Variants in SH3TC1 observed in about 807,000 individuals in gnomAD.
SH3TC1 encodes SH3 domain and tetratricopeptide repeats 1.
In SH3TC1, 135 loss-of-function variants were observed where a neutral mutation model predicts 117.3. That is an observed-to-expected ratio of 1.15 (90% CI 1.00 to 1.33). The LOEUF (loss-of-function observed/expected upper bound fraction) is 1.33. Ranked by LOEUF, SH3TC1 falls within the 40% of genes most tolerant of loss-of-function variation. The probability of loss-of-function intolerance (pLI) is 0.00; values close to 1 mark genes in which losing one functional copy is unlikely to be tolerated. For missense variants in SH3TC1, 2,092 were observed against 1,794.3 expected, an observed-to-expected ratio of 1.17 and a Z score of -3.00; for synonymous variants, 898 against 816.9, an observed-to-expected ratio of 1.10 and a Z score of -1.69.
Position 8,212,833 on chromosome 4 carries a change from G to A in SH3TC1, c.375+5G>A. ...GAGATGGCCCGCGTGCTTGGGGTGA[G>A]TAGCCCTCTGGGGCCTGCTCAGGGA... On this transcript the variant is annotated splice_donor_5th_base_variant and intron_variant, in intron 4 of 17. Transcript: ENST00000245105. 3 of 1,564,834 alleles carry A rather than the reference G, an allele frequency of 1.9e-6. No individual in the cohort carries two copies. Among genetic ancestry groups the A allele is most frequent in the Non-Finnish European group, 2.6e-6 (3 of 1,154,618 alleles).
chr4:8,240,532 C>A (rs1297743679), intron 17 of SH3TC1, among the ~76,000 whole-genome samples, 166 bp from the exon 18 acceptor site: 1 of 152,148 alleles, frequency 6.6e-6, no homozygotes, highest in Non-Finnish European at 1.5e-5. Flanking sequence ...GGTGCCAGGG[C>A]CGTCTCCACC....
chr4:8,227,806 G>C lies in SH3TC1; in HGVS notation c.2112G>C (p.Ala704=). The change falls in exon 12 of 18, where the codon GCG becomes GCC. Residue 704 remains alanine, a synonymous_variant. Transcript: ENST00000245105. ...GGGACTCGGGAGCCCCAGAGGCCGC[G>C]TGGCTCTCAGACTGCTACCTACTCC... ...LHRDSGAPEA[A]WLSDCYLLLA... 1 of 1,612,768 alleles carries C rather than the reference G, an allele frequency of 6.2e-7. No homozygotes were observed. Among genetic ancestry groups the C allele is most frequent in the Non-Finnish European group, 8.5e-7 (1 of 1,179,972 alleles).
intron 13 of SH3TC1, 101 bp downstream of exon 13, chr4:8,232,257 TC>T: frequency 7.2e-7 from 1 of 1,385,546 alleles, no homozygotes; most frequent in Non-Finnish European, 9.6e-7. Flanking sequence ...GCAGCCCCTC[TC>T]CTTGGGATCA....
upstream of SH3TC1, among the ~76,000 whole-genome samples, chr4:8,196,628 A>T (rs1429665756): frequency 6.6e-6 from 1 of 152,128 alleles, no homozygotes; most frequent in Non-Finnish European, 1.5e-5. This position sits in a 1 kb window ranked among gnomAD's most constrained non-coding sequence, Gnocchi z 4.6. Flanking sequence ...TGGAAGCATT[A>T]CCCAGTCCCC....
At chr4:8,229,439 T>C (rs1451079888) in intron 12 of SH3TC1, among the ~76,000 whole-genome samples, 1 of 64,736 alleles carries the variant, frequency 1.5e-5, no homozygotes, top group Non-Finnish European at 2.9e-5. Context: ...GTGATGGGGG[T>C]GAGTGAGCAG....
chr4:8,234,938 T>C (rs981634108), intron 14 of SH3TC1, among the ~76,000 whole-genome samples: 3 of 152,350 alleles, frequency 2.0e-5, no homozygotes, highest in Non-Finnish European at 2.9e-5. Flanking sequence ...TGGAACAAAC[T>C]GGGAAGCCCA....
rs1720321491 is a variant in SH3TC1 at position 8,224,960 on chromosome 4, T to C, written c.1244-215T>C. ...CTCCCTCAGGTGTCAGCAGTGCTCC[T>C]ATGCTGGTTGCACCTGACCCTGCAA... On this transcript the variant is annotated intron_variant, in intron 10 of 17. Coordinates refer to ENST00000245105, the MANE Select transcript of SH3TC1 (RefSeq NM_018986.5). The C allele has an allele frequency of 8.6e-6, 5 of 582,158 alleles. No homozygotes were observed. The South Asian group carries it at 1.1e-4, about 13-fold the overall frequency. 36.1% of individuals were successfully genotyped at this position (582,158 alleles called of 1,614,324 possible).
chr4:8,240,858 G>C lies in SH3TC1; in HGVS notation c.3914G>C (p.Arg1305Thr). 6.2e-7 allele frequency: 1 copy of C among 1,613,872 alleles called. No homozygotes were observed. Among genetic ancestry groups the C allele is most frequent in the Non-Finnish European group, 8.5e-7 (1 of 1,180,046 alleles). ...EKSLFFYQKA[R>T]TFATELNVRR... The stretch of plus-strand genomic sequence containing the variant: ...TCGCTCTTCTTCTACCAGAAGGCCA[G>C]GACCTTCGCCACAGAGCTCAACGTC... Residue 1305 changes from arginine to threonine, a missense_variant, in exon 18 of 18, where the codon AGG (arginine) becomes ACG (threonine). Transcript: ENST00000245105.
Position 8,206,025 on chromosome 4 carries a change from T to G in SH3TC1, c.172+659T>G. On this transcript the variant is annotated intron_variant, in intron 2 of 17. Coordinates refer to ENST00000245105, the MANE Select transcript of SH3TC1 (RefSeq NM_018986.5). The surrounding 1 kb of genome is among the most constrained non-coding windows in gnomAD (Gnocchi z 5.5). ...GTCCAGCCTCAGCCCAGTCTCCTCT[T>G]AGCTGCCTATGTCCCTGTCTTGGGA... The G allele has an allele frequency of 6.8e-6, 2 of 292,048 alleles. No individual in the cohort carries two copies. The highest frequency in any genetic ancestry group is 1.3e-5 in the Non-Finnish European group (2 of 155,320). 18.1% of individuals were successfully genotyped at this position (292,048 alleles called of 1,614,324 possible). A position where few individuals can be genotyped will look rare whatever the true frequency, so the allele number is the denominator to read the frequency against.
In SH3TC1 at chr4:8,205,505, T is replaced by G. The variant is rs1482706548; in HGVS notation, c.172+139T>G. On this transcript the variant is annotated intron_variant, in intron 2 of 17. Coordinates refer to ENST00000245105, the MANE Select transcript of SH3TC1 (RefSeq NM_018986.5). The surrounding 1 kb of genome is among the most constrained non-coding windows in gnomAD (Gnocchi z 5.4). ...GGGCTGGAGTCTGCTCTCCATCACT[T>G]CTCGTTTCCTTCCCCCGCGTGTGTT... 8.6e-7 allele frequency: 1 copy of G among 1,165,188 alleles called. No homozygotes were observed. The highest frequency in any genetic ancestry group is 1.3e-6 in the Non-Finnish European group (1 of 779,130). The allele number at this position is 1,165,188 out of a possible 1,614,324, so 72.2% of individuals were successfully genotyped here.
Position 8,228,174 on chromosome 4 carries a change from A to C in SH3TC1, c.2480A>C (p.His827Pro). ...AIAGVRAIVDHLVALAWLHVL... is the reference protein window; with the variant it reads ...AIAGVRAIVDPLVALAWLHVL... ...GCCGGAGTCCGTGCCATCGTGGACCACCTGGTGGCCCTGGCCTGGCTGCAC... is the reference window on the plus strand; with the variant it reads ...GCCGGAGTCCGTGCCATCGTGGACCCCCTGGTGGCCCTGGCCTGGCTGCAC... The change falls in exon 12 of 18, where the codon CAC becomes CCC. Residue 827 changes from histidine to proline, a missense_variant. Coordinates refer to ENST00000245105, the MANE Select transcript of SH3TC1 (RefSeq NM_018986.5). 6.2e-7 allele frequency: 1 copy of C among 1,611,354 alleles called. No homozygotes were observed. The highest frequency in any genetic ancestry group is 1.7e-4 in the Middle Eastern group (1 of 6,056).
rs1720758384 is a variant in SH3TC1, at chr4:8,228,333, G to T, written c.2639G>T (p.Arg880Met). The T allele has an allele frequency of 6.2e-7, 1 of 1,612,008 alleles. No homozygotes were observed. ...AVALKRTGRT[R>M]QAAESYYRAL... ...GCTCTGAAGAGGACGGGCCGGACGAGGCAGGCAGCTGAGAGCTACTACCGC... is the reference window on the plus strand; with the variant it reads ...GCTCTGAAGAGGACGGGCCGGACGATGCAGGCAGCTGAGAGCTACTACCGC... The change falls in exon 12 of 18, where the codon AGG becomes ATG. Residue 880 changes from arginine to methionine, a missense_variant. Transcript: ENST00000245105.
rs748213827 is a variant in SH3TC1, at chr4:8,228,134, GA to G, written c.2442del (p.Ala815ProfsTer50). 3 of 1,612,246 alleles carry G rather than the reference GA, an allele frequency of 1.9e-6. No homozygotes were observed. In the African/African-American group the frequency reaches 4.0e-5, roughly 22 times the overall value. ...CATCACCTTCATGACGCAGGCAGTGGAAGCCAGTGCTATTGCCGGAGTCCGT... is the reference window on the plus strand; with the variant it reads ...CATCACCTTCATGACGCAGGCAGTGGAGCCAGTGCTATTGCCGGAGTCCGT... ...PAITFMTQAVEASAIAGVRAI... is the reference protein window; with the variant it reads ...PAITFMTQAVXASAIAGVRAI... On this transcript the variant is annotated frameshift_variant, in exon 12 of 18. Transcript: ENST00000245105. LOFTEE classifies it high-confidence loss of function.
intron 1 of SH3TC1, among the ~76,000 whole-genome samples, chr4:8,182,845 G>A (rs1717115546): frequency 1.3e-5 from 2 of 152,202 alleles, no homozygotes; most frequent in African/African-American, 4.8e-5. Context: ...GTCTCAGAGG[G>A]GTTCCAGTGG....
intron 1 of SH3TC1, among the ~76,000 whole-genome samples, chr4:8,203,954 G>T (rs1003485591): frequency 1.3e-5 from 2 of 152,212 alleles, no homozygotes; most frequent in African/African-American, 4.8e-5. Context: ...GGCTCTGGGG[G>T]TTGTCCTGGC....
chr4:8,203,337 C>A (rs982035875), intron 1 of SH3TC1, among the ~76,000 whole-genome samples: 2 of 151,972 alleles, frequency 1.3e-5, no homozygotes, highest in African/African-American at 4.8e-5. Flanking sequence ...CCCCTCAGAG[C>A]CTCAGTTTCC....
chr4:8,231,242 G>C (rs1363012900), intron 12 of SH3TC1: 1 of 152,284 alleles, frequency 6.6e-6, no homozygotes, highest in Non-Finnish European at 1.5e-5. Flanking sequence ...CAGTACAACT[G>C]AAGAACACTC....
At chr4:8,185,206 G>A (rs1717186013) in intron 1 of SH3TC1, among the ~76,000 whole-genome samples, 1 of 151,704 alleles carries the variant, frequency 6.6e-6, no homozygotes, top group African/African-American at 2.4e-5. Flanking sequence ...AGTGTTTGCG[G>A]GTGCCTGTAG....
chr4:8,191,672 T>C (rs1304986142), intron 1 of SH3TC1, among the ~76,000 whole-genome samples: 1 of 152,096 alleles, frequency 6.6e-6, no homozygotes, highest in Non-Finnish European at 1.5e-5. Flanking sequence ...GATACACCCG[T>C]CCTCAAACTT....
Sources: allele counts gnomAD v4.1 joint callset (sites outside exome capture counted in the v4.1 genomes callset), GRCh38; gene constraint gnomAD v4.1.1; non-coding constraint Gnocchi (gnomAD v3.1); transcripts MANE v1.5; gene names NCBI Gene and HGNC (gene_info 2026-07-23, HGNC 2026-07-21).